The following PCDH15 variants were observed in gnomAD, a reference collection of about 807,000 sequenced individuals.
The protein encoded by PCDH15 is protocadherin related 15, also known as protocadherin-15.
In PCDH15, 129 loss-of-function variants were observed where a neutral mutation model predicts 178.5. The ratio of observed to expected loss-of-function variants is 0.72; its 90% CI spans 0.63 to 0.84. The LOEUF is 0.84. Ranked by LOEUF, PCDH15 falls within the 40% of genes least tolerant of loss-of-function variation. PCDH15 has a pLI of 0.00. For synonymous variants in PCDH15, 800 were observed against 732.0 expected (o/e 1.09, Z -1.50); for missense variants, 2,230 against 2,099.9 (o/e 1.06, Z -1.21).
chr10:54,933,635 T>C (rs2131855534), intron 2 of PCDH15, among the ~76,000 whole-genome samples: 1 of 152,300 alleles, frequency 6.6e-6, no homozygotes, highest in South Asian at 2.1e-4. Context: ...TTGTTTGCCT[T>C]AATTAGTACC....
chr10:54,453,727 A>C (rs2076630388), intron 3 of PCDH15, among the ~76,000 whole-genome samples: 1 of 151,970 alleles, frequency 6.6e-6, no homozygotes, highest in Admixed American at 6.6e-5. Flanking sequence ...GAAGAAGGTC[A>C]TGCAAAGAAG....
chr10:55,428,881 AT>A (rs1015233411), intron 2 of PCDH15, among the ~76,000 whole-genome samples: 2 of 151,116 alleles, frequency 1.3e-5, no homozygotes, highest in Non-Finnish European at 3.0e-5. Flanking sequence ...TTTTCCCATT[AT>A]TTTTCCATTT....
intron 11 of PCDH15, among the ~76,000 whole-genome samples, chr10:54,191,616 G>T (rs912220139): frequency 6.6e-6 from 1 of 152,018 alleles, no homozygotes; most frequent in Non-Finnish European, 1.5e-5. Context: ...TGTCATAAAA[G>T]TATATCAAAT....
chr10:54,854,326 C>G (rs759334001), intron 3 of PCDH15, among the ~76,000 whole-genome samples: 3 of 152,264 alleles, frequency 2.0e-5, no homozygotes, highest in Middle Eastern at 3.4e-3. Context: ...CTTCTCTTCA[C>G]CCACAATATG....
chr10:55,381,528 G>A (rs538766475), intron 2 of PCDH15, among the ~76,000 whole-genome samples: 1 of 152,232 alleles, frequency 6.6e-6, no homozygotes, highest in African/African-American at 2.4e-5. Context: ...ACAAGAGAGA[G>A]AGGAGGAATT....
At position 55,463,871 on chromosome 10, in the gene PCDH15, AAGAG is replaced by A. The variant is rs200397760; in HGVS notation, c.-156+163750_-156+163753del. ...CAGAGTAACAGAATGAGACGAAAGA[AAGAG>A]AGAGAGAAAGAGAGGGAGAGAGAGA... On this transcript the variant is annotated intron_variant, in intron 2 of 5. Transcript: ENST00000613346. Among the ~76,000 whole-genome samples, 328 of 122,232 alleles carry A rather than the reference AAGAG, an allele frequency of 2.7e-3. 15 individuals are homozygous for A. The highest frequency in any genetic ancestry group is 8.7e-3 in the African/African-American group (297 of 34,136). 80.2% of individuals were successfully genotyped at this position (122,232 alleles called of 152,430 possible).
At position 55,303,090 on chromosome 10, in the gene PCDH15, T is replaced by G. The variant is rs1035191245; in HGVS notation, c.-156+16509A>C. Among the ~76,000 whole-genome samples, 8 of 148,982 alleles carry G rather than the reference T, an allele frequency of 5.4e-5. No individual in the cohort carries two copies. In the South Asian group the frequency reaches 1.5e-3, roughly 27 times the overall value. ...TAAGAAAACAAAGATATTTGAGATA[T>G]ATATATATATATATACACACACACA... On this transcript the variant is annotated intron_variant, in intron 1 of 5. Transcript: ENST00000458638.
intron 1 of PCDH15, among the ~76,000 whole-genome samples, chr10:54,738,565 C>T (rs1944404518): frequency 6.6e-6 from 1 of 151,724 alleles, no homozygotes; most frequent in South Asian, 2.1e-4. Context: ...TCTATGAGGC[C>T]AGAATTACCA....
At chr10:55,131,358 C>A (rs1838038303) in intron 2 of PCDH15, among the ~76,000 whole-genome samples, 1 of 152,156 alleles carries the variant, frequency 6.6e-6, no homozygotes, top group Non-Finnish European at 1.5e-5. Context: ...AACTGCAGAG[C>A]CCCAAAGAGG....
At chr10:54,181,475 G>C (rs2047981061) in intron 13 of PCDH15, among the ~76,000 whole-genome samples, 1 of 152,108 alleles carries the variant, frequency 6.6e-6, no homozygotes, top group African/African-American at 2.4e-5. Flanking sequence ...TTTGGGGTAT[G>C]ATTGATTCTG....
intron 1 of PCDH15, among the ~76,000 whole-genome samples, chr10:55,238,741 T>C (rs546895816): frequency 6.6e-6 from 1 of 152,156 alleles, no homozygotes; most frequent in African/African-American, 2.4e-5. Context: ...TTTTTATGGG[T>C]ACATAATCAT....
At position 54,174,415 on chromosome 10, in the gene PCDH15, G is replaced by T. The variant is rs1406255496; in HGVS notation, c.1590+9029C>A. Reference sequence around the variant, plus strand: ...CCGGGCATGGTGGTGGGCTCCTGTAGTCCCAGCTACTCAGGAGGCTGAGAC... The same window carrying T: ...CCGGGCATGGTGGTGGGCTCCTGTATTCCCAGCTACTCAGGAGGCTGAGAC... On this transcript the variant is annotated intron_variant, in intron 13 of 37. Transcript: ENST00000644397. Among the ~76,000 whole-genome samples the T allele has an allele frequency of 2.0e-5, 3 of 151,880 alleles. No individual in the cohort carries two copies. The East Asian group carries it at 5.8e-4, about 30-fold the overall frequency.
At chr10:54,880,140 A>G (rs1428544539) in intron 3 of PCDH15, among the ~76,000 whole-genome samples, 2 of 152,156 alleles carry the variant, frequency 1.3e-5, no homozygotes, top group African/African-American at 4.8e-5. Flanking sequence ...ATCATCATCA[A>G]CTACAGCTAA....
intron 2 of PCDH15, among the ~76,000 whole-genome samples, chr10:55,605,327 A>G (rs1024238069): frequency 2.4e-4 from 36 of 152,248 alleles, no homozygotes; most frequent in African/African-American, 7.9e-4. Flanking sequence ...GCAAGGAGGA[A>G]CTGGTACCAT....
At chr10:54,025,575 TG>T (rs1270600950) in intron 18 of PCDH15, among the ~76,000 whole-genome samples, 75 of 151,638 alleles carry the variant, frequency 4.9e-4, no homozygotes, top group African/African-American at 1.8e-3. Flanking sequence ...CTCGGCTCAC[TG>T]CAACCTCCGC....
chr10:54,899,333 A>G (rs1954603178), intron 2 of PCDH15, among the ~76,000 whole-genome samples: 2 of 152,084 alleles, frequency 1.3e-5, no homozygotes, highest in Admixed American at 6.6e-5. Context: ...AAAAGCAAAT[A>G]TCTATTTAAA....
chr10:54,028,746 C>T (rs2093198737), intron 18 of PCDH15, among the ~76,000 whole-genome samples: 1 of 144,572 alleles, frequency 6.9e-6, no homozygotes, highest in Admixed American at 7.2e-5. Flanking sequence ...AATGAGATCA[C>T]ATGGACACAG....
chr10:54,239,432 T>TATATATATAGAGAGAG (rs1554853331), intron 8 of PCDH15, among the ~76,000 whole-genome samples: 2 of 150,560 alleles, frequency 1.3e-5, no homozygotes, highest in African/African-American at 4.9e-5. Flanking sequence ...TATATATATA[T>TATATATATAGAGAGAG]AGAGTAAGAA....
intron 2 of PCDH15, among the ~76,000 whole-genome samples, chr10:55,069,666 C>G (rs1217082563): frequency 0.012 from 1,760 of 143,744 alleles, 36 homozygotes; most frequent in African/African-American, 0.043. Flanking sequence ...TTTTCTTAAT[C>G]CAGTCTATCA....
Sources: gnomAD v4.1 joint callset for allele counts (sites outside exome capture counted in the v4.1 genomes callset) on GRCh38, gnomAD v4.1.1 for gene constraint, MANE v1.5 for transcripts, NCBI Gene and HGNC (gene_info 2026-07-23, HGNC 2026-07-21) for gene names.